Variants in GRM1 observed in about 807,000 individuals in gnomAD.
The protein encoded by GRM1 is metabotropic glutamate receptor 1.
In GRM1, 33 loss-of-function variants were observed where a neutral mutation model predicts 90.9. The ratio of observed to expected loss-of-function variants is 0.36; its 90% CI spans 0.28 to 0.49. The LOEUF is 0.49. GRM1 is among the 20% of genes least tolerant of loss of function. The probability of loss-of-function intolerance (pLI) is 0.99; values close to 1 mark genes in which losing one functional copy is unlikely to be tolerated. For missense variants in GRM1, 1,190 were observed against 1,534.3 expected (o/e 0.78, Z 3.75); for synonymous variants, 700 against 613.2 (o/e 1.14, Z -2.09).
In GRM1 at chr6:146,397,391, G is replaced by A. The variant is rs564229997; in HGVS notation, c.1730-1378G>A. On this transcript the variant is annotated intron_variant, in intron 6 of 7. Coordinates refer to ENST00000282753, the MANE Select transcript of GRM1 (RefSeq NM_001278064.2). Reference sequence around the variant, plus strand: ...CGGGAGACTGAGGCAGGAGAATGGCGTGAATCCAGGAGGCGGAGCTTGCAG... The same window carrying A: ...CGGGAGACTGAGGCAGGAGAATGGCATGAATCCAGGAGGCGGAGCTTGCAG... Among the ~76,000 whole-genome samples, 5 of 148,412 alleles carry A rather than the reference G, an allele frequency of 3.4e-5. No homozygotes were observed. In the East Asian group the frequency reaches 8.1e-4, roughly 24 times the overall value.
chr6:146,252,929 G>A (rs1185333317), intron 2 of GRM1, among the ~76,000 whole-genome samples: 1 of 151,206 alleles, frequency 6.6e-6, no homozygotes, highest in Non-Finnish European at 1.5e-5. Context: ...GCGTGGTGGC[G>A]TGTGCTTGTA....
chr6:146,126,696 A>T (rs1776211200), intron 1 of GRM1, among the ~76,000 whole-genome samples: 1 of 152,174 alleles, frequency 6.6e-6, no homozygotes, highest in South Asian at 2.1e-4. Context: ...TTGTTGTTGG[A>T]ATCCTAATTT....
At chr6:146,044,051 C>T (rs975307751) in intron 1 of GRM1, among the ~76,000 whole-genome samples, 1 of 151,726 alleles carries the variant, frequency 6.6e-6, no homozygotes, top group African/African-American at 2.4e-5. Flanking sequence ...CCTTTCTTGG[C>T]TCAGATGCTC....
In GRM1 at chr6:146,213,379, C is replaced by T. The variant is rs529308064; in HGVS notation, c.950+53782C>T. ...TCACCTGCAGAAAATCAAAAGGCAT[C>T]AGAGAGCTGGAAGTGAAAAAGCAAG... is the stretch of plus-strand genomic sequence containing the variant. On this transcript the variant is annotated intron_variant, in intron 2 of 7. Coordinates refer to ENST00000282753, the MANE Select transcript of GRM1 (RefSeq NM_001278064.2). Among the ~76,000 whole-genome samples the T allele has an allele frequency of 1.9e-3, 293 of 152,120 alleles. 1 individual carries two copies. Among genetic ancestry groups the T allele is most frequent in the African/African-American group, 6.9e-3 (288 of 41,502 alleles).
chr6:146,407,836 T>G (rs1269963862), intron 7 of GRM1, among the ~76,000 whole-genome samples: 2 of 152,178 alleles, frequency 1.3e-5, no homozygotes, highest in Non-Finnish European at 2.9e-5. Context: ...TAATAAGAGA[T>G]AGAGCCCATT....
intron 1 of GRM1, among the ~76,000 whole-genome samples, chr6:146,064,378 CTT>C (rs1286635248): frequency 6.6e-6 from 1 of 152,122 alleles, no homozygotes; most frequent in Non-Finnish European, 1.5e-5. Context: ...TTTAACCTAA[CTT>C]AAAATTATTT....
At chr6:146,122,264 G>A (rs1231029527) in intron 1 of GRM1, among the ~76,000 whole-genome samples, 1 of 152,130 alleles carries the variant, frequency 6.6e-6, no homozygotes, top group Non-Finnish European at 1.5e-5. Flanking sequence ...TATGATGCCA[G>A]TTTGATTTCA....
chr6:146,123,216 G>A (rs1776066922), intron 1 of GRM1, among the ~76,000 whole-genome samples: 1 of 152,130 alleles, frequency 6.6e-6, no homozygotes, highest in African/African-American at 2.4e-5. Context: ...TTTTCACATT[G>A]TTAGATTTTC....
chr6:146,405,294 T>G (rs1777306178), intron 7 of GRM1, among the ~76,000 whole-genome samples: 2 of 151,982 alleles, frequency 1.3e-5, no homozygotes, highest in African/African-American at 4.8e-5. Flanking sequence ...GGTTATGACA[T>G]GAGAAAAGAA....
chr6:146,205,293 T>C (rs1473681377), intron 2 of GRM1, among the ~76,000 whole-genome samples: 3 of 152,210 alleles, frequency 2.0e-5, no homozygotes, highest in Non-Finnish European at 4.4e-5. Flanking sequence ...TTTCATAGCA[T>C]ACAAAATTTA....
chr6:146,130,254 T>A (rs1583044814), intron 1 of GRM1, among the ~76,000 whole-genome samples: 1 of 118,338 alleles, frequency 8.5e-6, no homozygotes, highest in Non-Finnish European at 1.7e-5. Context: ...CCTCCCTCCC[T>A]TCCTTCCTTC....
At position 146,112,188 on chromosome 6, in the gene GRM1, C is replaced by G. The variant is rs1490030217; in HGVS notation, c.701-47160C>G. 2.6e-5 allele frequency among the ~76,000 whole-genome samples: 4 copies of G among 152,014 alleles called. No homozygotes were observed. In the South Asian group the frequency reaches 8.3e-4, roughly 32 times the overall value. On this transcript the variant is annotated intron_variant, in intron 1 of 7. Transcript: ENST00000282753. Reference sequence around the variant, plus strand: ...CTGATGAGTCTGTAATAACAACTTGCACACAGTGGAGTGTGTAAGCATGCA... The same window carrying G: ...CTGATGAGTCTGTAATAACAACTTGGACACAGTGGAGTGTGTAAGCATGCA...
chr6:146,179,553 G>A (rs181729346), intron 2 of GRM1, among the ~76,000 whole-genome samples: 12 of 152,258 alleles, frequency 7.9e-5, no homozygotes, highest in East Asian at 3.9e-4. Context: ...TCGCTTTGTC[G>A]CCCAGGCGGG....
chr6:146,269,064 G>A (rs1338752150), intron 2 of GRM1, among the ~76,000 whole-genome samples: 1 of 152,160 alleles, frequency 6.6e-6, no homozygotes, highest in Non-Finnish European at 1.5e-5. Context: ...CTCAAGATCA[G>A]TAAGTACAGA....
chr6:146,396,353 C>A (rs532597774), intron 6 of GRM1, among the ~76,000 whole-genome samples: 2 of 152,232 alleles, frequency 1.3e-5, no homozygotes, highest in African/African-American at 4.8e-5. Flanking sequence ...AGGCAACACA[C>A]AATCACTAAA....
chr6:146,215,345 C>CT (rs1325971802), intron 2 of GRM1, among the ~76,000 whole-genome samples: 1 of 152,086 alleles, frequency 6.6e-6, no homozygotes, highest in Non-Finnish European at 1.5e-5. Flanking sequence ...CAGTATTTCT[C>CT]TTTTTTTGTC....
At chr6:146,178,196 C>G (rs1442144856) in intron 2 of GRM1, among the ~76,000 whole-genome samples, 1 of 152,126 alleles carries the variant, frequency 6.6e-6, no homozygotes, top group Admixed American at 6.5e-5. Flanking sequence ...TCAGACTTTC[C>G]TTGCTTTGAT....
chr6:146,158,768 C>G (rs1777607800), intron 1 of GRM1, among the ~76,000 whole-genome samples: 1 of 152,150 alleles, frequency 6.6e-6, no homozygotes, highest in African/African-American at 2.4e-5. Flanking sequence ...ATATAAGACA[C>G]AAACCTCTCA....
intron 1 of GRM1, among the ~76,000 whole-genome samples, chr6:146,049,651 A>ATATCTATCATCTATC (rs1554261180): frequency 6.8e-6 from 1 of 147,472 alleles, no homozygotes; most frequent in African/African-American, 2.5e-5. Flanking sequence ...ACCTCCTTTC[A>ATATCTATCATCTATC]TATCTATCTA....
Sources: allele counts gnomAD v4.1 joint callset (sites outside exome capture counted in the v4.1 genomes callset), GRCh38; gene constraint gnomAD v4.1.1; transcripts MANE v1.5; gene names NCBI Gene and HGNC (gene_info 2026-07-23, HGNC 2026-07-21).